Variants in MMD observed in about 807,000 individuals in gnomAD.
The protein encoded by MMD is monocyte to macrophage differentiation factor.
A neutral mutation model predicts 33.6 loss-of-function variants in MMD; 22 were observed. The ratio of observed to expected loss-of-function variants is 0.66; its 90% CI spans 0.47 to 0.94. The LOEUF (loss-of-function observed/expected upper bound fraction) is 0.94, where lower values mean the gene tolerates loss of function less well. Among genes scored for constraint, MMD ranks in the 40% least tolerant of loss-of-function variants. The pLI, the probability that MMD is intolerant of heterozygous loss-of-function variation, is 0.00. For missense variants in MMD, 242 were observed against 309.8 expected (o/e 0.78, Z 1.64); for synonymous variants, 97 against 103.2 (o/e 0.94, Z 0.36).
chr17:55,406,568 AAAACAAAC>A (rs552314055), intron 4 of MMD, among the ~76,000 whole-genome samples: 8 of 151,814 alleles, frequency 5.3e-5, no homozygotes, highest in Non-Finnish European at 8.8e-5. Flanking sequence ...ACTCTGTCTC[AAAACAAAC>A]AAACAAACAA....
At chr17:55,411,460 T>A (rs1266577596) in intron 2 of MMD, 43 bp from the exon 3 acceptor site, 1 of 1,559,052 alleles carries the variant, frequency 6.4e-7, no homozygotes, top group Non-Finnish European at 8.7e-7. Flanking sequence ...ATTCTGGCTT[T>A]TATGGAATTG....
chr17:55,419,303 G>A (rs1908086081), intron 1 of MMD, among the ~76,000 whole-genome samples: 1 of 152,198 alleles, frequency 6.6e-6, no homozygotes, highest in South Asian at 2.1e-4. Context: ...GGATGACTTT[G>A]TGTTTGTCTA....
intron 3 of MMD, among the ~76,000 whole-genome samples, chr17:55,409,962 C>T (rs1487789133): frequency 6.6e-6 from 1 of 152,130 alleles, no homozygotes; most frequent in Non-Finnish European, 1.5e-5. Flanking sequence ...TCCCAAAGTG[C>T]CCTTGTGATT....
intron 1 of MMD, among the ~76,000 whole-genome samples, chr17:55,416,282 C>G (rs1907964892): frequency 6.6e-6 from 1 of 152,148 alleles, no homozygotes. Flanking sequence ...AAGCCATTAC[C>G]CAGCAACAGG....
intron 1 of MMD, among the ~76,000 whole-genome samples, chr17:55,418,228 T>C (rs1406750820): frequency 6.6e-6 from 1 of 152,220 alleles, no homozygotes; most frequent in Non-Finnish European, 1.5e-5. Context: ...TGGTAAGACT[T>C]TGATTTGTTT....
In MMD at chr17:55,421,775, G is replaced by A; in HGVS notation, c.-80C>T. The A allele has an allele frequency of 6.8e-7, 1 of 1,478,644 alleles. No homozygotes were observed. The highest frequency in any genetic ancestry group is 9.0e-7 in the Non-Finnish European group (1 of 1,111,142). The allele number at this position is 1,478,644 out of a possible 1,614,324, so 91.6% of individuals were successfully genotyped here. On this transcript the variant is annotated 5_prime_UTR_variant, in exon 1 of 7. Transcript: ENST00000262065. ...CCGGGCGCGCGGCCCTCATGGGCTT[G>A]GGCTGCTCCGGAGGCCGCCTGCGTG...
intron 4 of MMD, among the ~76,000 whole-genome samples, chr17:55,407,299 AAAAT>A (rs59882220): frequency 0.24 from 33,458 of 142,298 alleles, 4,169 homozygotes; most frequent in Admixed American, 0.29. Flanking sequence ...ACTCCATCTC[AAAAT>A]AAATAAATAA....
Position 55,394,362 on chromosome 17 carries a change from C to A in MMD, c.689G>T (p.Ser230Ile). The change falls in exon 7 of 7, where the codon AGT (serine) becomes ATT (isoleucine). Residue 230 changes from serine to isoleucine, a missense_variant. Ser to Ile is a moderately radical substitution (Grantham distance 142). Coordinates refer to ENST00000262065, the MANE Select transcript of MMD (RefSeq NM_012329.3). Reference protein sequence around the residue: ...YYAIWKYLYRSPTDFMRHL With the variant: ...YYAIWKYLYRIPTDFMRHL ...TAAATGCCGCATAAAGTCCGTAGGA[C>A]TTCGGTAAAGGTATTTCCAAATGGC... 1 of 1,406,942 alleles carries A rather than the reference C, an allele frequency of 7.1e-7. No homozygotes were observed. Among genetic ancestry groups the A allele is most frequent in the Non-Finnish European group, 9.3e-7 (1 of 1,075,902 alleles). 87.2% of individuals were successfully genotyped at this position (1,406,942 alleles called of 1,614,324 possible).
At chr17:55,419,322 T>A (rs2143166048) in intron 1 of MMD, among the ~76,000 whole-genome samples, 1 of 152,334 alleles carries the variant, frequency 6.6e-6, no homozygotes, top group Admixed American at 6.5e-5. Context: ...TATGTGTGTG[T>A]AGGTATCTTG....
Position 55,392,916 on chromosome 17 carries a change from A to C in MMD, c.*1418T>G, listed in dbSNP as rs1287598669. On this transcript the variant is annotated 3_prime_UTR_variant, in exon 7 of 7. Coordinates refer to ENST00000262065, the MANE Select transcript of MMD (RefSeq NM_012329.3). Reference sequence around the variant, plus strand: ...ATCAGAGAGTTCTAAACATATACAAAATAAACCTCTTTTAAAGCCACATCA... The same window carrying C: ...ATCAGAGAGTTCTAAACATATACAACATAAACCTCTTTTAAAGCCACATCA... 1 of 152,168 alleles carries C rather than the reference A, an allele frequency of 6.6e-6. No homozygotes were observed. The highest frequency in any genetic ancestry group is 2.4e-5 in the African/African-American group (1 of 41,436). 9.4% of individuals were successfully genotyped at this position (152,168 alleles called of 1,614,324 possible).
chr17:55,420,580 T>C (rs1342079846), intron 1 of MMD: 1 of 151,724 alleles, frequency 6.6e-6, no homozygotes, highest in East Asian at 1.9e-4. Context: ...GGCATGGAGA[T>C]TGGAAAGAAA....
At chr17:55,409,630 G>C (rs187174566) in intron 3 of MMD, among the ~76,000 whole-genome samples, 69 of 152,148 alleles carry the variant, frequency 4.5e-4, no homozygotes, top group African/African-American at 1.0e-3. Flanking sequence ...CTTAAATAAG[G>C]CTTTTTTGAT....
intron 1 of MMD, among the ~76,000 whole-genome samples, chr17:55,418,289 G>A (rs1028934852): frequency 6.6e-6 from 1 of 152,140 alleles, no homozygotes; most frequent in African/African-American, 2.4e-5. Flanking sequence ...ATTCCATGAA[G>A]GCTGTCTTGT....
Position 55,407,827 on chromosome 17 carries a change from AG to A in MMD, c.270-8del. On this transcript the variant is annotated splice_polypyrimidine_tract_variant and splice_region_variant and intron_variant, in intron 3 of 6. Transcript: ENST00000262065. ...AAAACAATGCTCCACTGTCCTAGCG[AG>A]GGGGAAAAAAAAGTAAATTTGTCAG... 1 of 1,551,260 alleles carries A rather than the reference AG, an allele frequency of 6.4e-7. No individual in the cohort carries two copies.
At chr17:55,405,379 GAA>G (rs10554664) in intron 4 of MMD, among the ~76,000 whole-genome samples, 41,067 of 114,990 alleles carry the variant, frequency 0.36, 7,090 homozygotes, top group Non-Finnish European at 0.45. Context: ...CCGTCTCAAA[GAA>G]AAAAAAAAAA....
intron 3 of MMD, among the ~76,000 whole-genome samples, chr17:55,410,864 C>T (rs1470517659): frequency 6.6e-6 from 1 of 152,178 alleles, no homozygotes; most frequent in Non-Finnish European, 1.5e-5. Context: ...AATTAAAGAG[C>T]AGGGCTGGGC....
At chr17:55,407,547 T>C (rs180687871) in intron 4 of MMD, among the ~76,000 whole-genome samples, 199 bp downstream of exon 4, 3 of 152,124 alleles carry the variant, frequency 2.0e-5, no homozygotes, top group Non-Finnish European at 4.4e-5. Flanking sequence ...ACAGCAGCAA[T>C]ATTCTCCCCT....
Position 55,414,183 on chromosome 17 carries a change from A to G in MMD, c.76T>C (p.Tyr26His). The G allele has an allele frequency of 6.2e-7, 1 of 1,613,970 alleles. No homozygotes were observed. Among genetic ancestry groups the G allele is most frequent in the Non-Finnish European group, 8.5e-7 (1 of 1,179,856 alleles). ...GTGTAACAGTTAGCAGCATGTTCAT[A>G]GCAAGTTGGCTTGTAGCGGCCATTG... ...PANGRYKPTC[Y>H]EHAANCYTHA... Residue 26 changes from tyrosine (Y) to histidine (H), a missense_variant, in exon 2 of 7, where the codon TAT becomes CAT. By Grantham distance (83) the Tyr-to-His change is moderately conservative. Coordinates refer to ENST00000262065, the MANE Select transcript of MMD (RefSeq NM_012329.3).
At position 55,414,297 on chromosome 17, in the gene MMD, C is replaced by T; in HGVS notation, c.27-65G>A. ...GTGTGTGAAGAACAATGAGGAAACC[C>T]ACCAGTGGGTATGTGGTCTATTCTA... On this transcript the variant is annotated intron_variant, in intron 1 of 6. Coordinates refer to ENST00000262065, the MANE Select transcript of MMD (RefSeq NM_012329.3). The T allele has an allele frequency of 3.4e-6, 5 of 1,450,318 alleles. No homozygotes were observed. In the Admixed American group the frequency reaches 8.6e-5, roughly 25 times the overall value. 89.8% of individuals were successfully genotyped at this position (1,450,318 alleles called of 1,614,324 possible). A position where few individuals can be genotyped will look rare whatever the true frequency, so the allele number is the denominator to read the frequency against.
Sources: allele counts gnomAD v4.1 joint callset (sites outside exome capture counted in the v4.1 genomes callset), GRCh38; gene constraint gnomAD v4.1.1; transcripts MANE v1.5; gene names NCBI Gene and HGNC (gene_info 2026-07-23, HGNC 2026-07-21).